Variants in ZMYND11 observed in about 807,000 individuals in gnomAD.
ZMYND11 encodes the protein zinc finger MYND-type containing 11.
A neutral mutation model predicts 84.9 loss-of-function variants in ZMYND11; 9 were observed. That is an observed-to-expected ratio of 0.11 (90% CI 0.06 to 0.18). The LOEUF (loss-of-function observed/expected upper bound fraction) is 0.18, where lower values mean the gene tolerates loss of function less well. Among genes scored for constraint, ZMYND11 ranks in the 10% least tolerant of loss-of-function variants. ZMYND11 has a pLI of 1.00. For synonymous variants in ZMYND11, 250 were observed against 244.1 expected, an observed-to-expected ratio of 1.02 and a Z score of -0.23; for missense variants, 409 against 761.0, an observed-to-expected ratio of 0.54 and a Z score of 5.44.
chr10:205,665 G>C (rs988019619), intron 2 of ZMYND11, among the ~76,000 whole-genome samples: 1 of 152,076 alleles, frequency 6.6e-6, no homozygotes. Context: ...ACTGCAGCCT[G>C]GGTGGCAGAG....
intron 1 of ZMYND11, among the ~76,000 whole-genome samples, chr10:166,339 G>T (rs1265159449): frequency 2.0e-5 from 3 of 152,076 alleles, no homozygotes; most frequent in Non-Finnish European, 4.4e-5. Context: ...TGTTTGCAAA[G>T]CTTATATCTG....
chr10:134,021 C>T (rs782358241), upstream of ZMYND11, among the ~76,000 whole-genome samples: 2 of 152,156 alleles, frequency 1.3e-5, no homozygotes, highest in Non-Finnish European at 2.9e-5. Flanking sequence ...CAAATTCCTA[C>T]AACCGTCTCT....
chr10:199,097 C>T (rs1942475666), intron 2 of ZMYND11, among the ~76,000 whole-genome samples: 1 of 152,194 alleles, frequency 6.6e-6, no homozygotes, highest in African/African-American at 2.4e-5. Context: ...CTGAGCCTCT[C>T]ACTTGCCTTT....
Position 252,224 on chromosome 10 carries a change from G to T in ZMYND11, c.1687-124G>T. On this transcript the variant is annotated intron_variant, in intron 14 of 14. Transcript: ENST00000381604. This position sits in a 1 kb window ranked among gnomAD's most constrained non-coding sequence, Gnocchi z 4.6. Reference sequence around the variant, plus strand: ...ATCTGCTGTGCATAAAACGTATTCAGATTCCACAAAAGGTTGAGCCAGAAA... The same window carrying T: ...ATCTGCTGTGCATAAAACGTATTCATATTCCACAAAAGGTTGAGCCAGAAA... 8.2e-7 allele frequency: 1 copy of T among 1,226,322 alleles called. No homozygotes were observed. The highest frequency in any genetic ancestry group is 2.0e-4 in the Middle Eastern group (1 of 5,028). 76.0% of individuals were successfully genotyped at this position (1,226,322 alleles called of 1,614,324 possible). A position where few individuals can be genotyped will look rare whatever the true frequency, so the allele number is the denominator to read the frequency against.
intron 6 of ZMYND11, among the ~76,000 whole-genome samples, chr10:238,706 A>AAGAT (rs1303035538): frequency 2.6e-5 from 4 of 152,200 alleles, no homozygotes; most frequent in Non-Finnish European, 5.9e-5. Flanking sequence ...ATTTCAATAT[A>AAGAT]AGATAAGGGT....
chr10:176,647 A>G (rs1336686726), intron 1 of ZMYND11, among the ~76,000 whole-genome samples: 2 of 152,214 alleles, frequency 1.3e-5, no homozygotes, highest in African/African-American at 4.8e-5. Context: ...ACTTTTGTAC[A>G]AAAGCAATAC....
At chr10:226,926 C>T (rs1012230773) in intron 4 of ZMYND11, among the ~76,000 whole-genome samples, 10 of 151,964 alleles carry the variant, frequency 6.6e-5, no homozygotes, top group African/African-American at 2.4e-4. Flanking sequence ...CATATTATTC[C>T]AGTATGTCTT....
At position 179,387 on chromosome 10, in the gene ZMYND11, C is replaced by A. The variant is rs996504044; in HGVS notation, c.-19-607C>A. Among the ~76,000 whole-genome samples, 26 of 152,180 alleles carry A rather than the reference C, an allele frequency of 1.7e-4. 1 individual carries two copies. The highest frequency in any genetic ancestry group is 4.6e-4 in the Admixed American group (7 of 15,278). ...CTGTTTCCTAATAGTGTAATAAATACCCCCAAAACTTACACCTAATCCAAG... is the reference window on the plus strand; with the variant it reads ...CTGTTTCCTAATAGTGTAATAAATAACCCCAAAACTTACACCTAATCCAAG... On this transcript the variant is annotated intron_variant, in intron 1 of 14. Transcript: ENST00000381604.
At chr10:168,822 G>A (rs1229561516) in intron 1 of ZMYND11, among the ~76,000 whole-genome samples, 1 of 152,130 alleles carries the variant, frequency 6.6e-6, no homozygotes, top group Non-Finnish European at 1.5e-5. Context: ...AAACCTCTGT[G>A]GGGATCAGTG....
intron 9 of ZMYND11, among the ~76,000 whole-genome samples, chr10:241,581 T>C (rs1452380514): frequency 6.6e-6 from 1 of 152,270 alleles, no homozygotes; most frequent in East Asian, 1.9e-4. Flanking sequence ...CCCAAAATAA[T>C]ACAGCTTCAA....
chr10:216,539 C>T (rs1324988146), intron 3 of ZMYND11, among the ~76,000 whole-genome samples: 1 of 152,112 alleles, frequency 6.6e-6, no homozygotes, highest in Non-Finnish European at 1.5e-5. Context: ...ACAACTTACT[C>T]TATTTACGTT....
chr10:194,669 A>C (rs1941304382), intron 2 of ZMYND11, among the ~76,000 whole-genome samples: 1 of 152,164 alleles, frequency 6.6e-6, no homozygotes, highest in East Asian at 1.9e-4. Flanking sequence ...CCCTGATACA[A>C]GCATATTTTA....
chr10:244,041 CTTTA>C (rs1489548087), intron 10 of ZMYND11, among the ~76,000 whole-genome samples: 2 of 152,024 alleles, frequency 1.3e-5, no homozygotes, highest in African/African-American at 2.4e-5. Flanking sequence ...CTCTTGAGGA[CTTTA>C]TTTTAGAAAA....
chr10:189,198 C>T (rs1217464386), intron 2 of ZMYND11, among the ~76,000 whole-genome samples: 1 of 152,208 alleles, frequency 6.6e-6, no homozygotes, highest in Non-Finnish European at 1.5e-5. Flanking sequence ...CCTGTCGCTA[C>T]AGATATACAT....
chr10:156,475 GTGT>G (rs1387472582), intron 1 of ZMYND11, among the ~76,000 whole-genome samples: 1 of 152,068 alleles, frequency 6.6e-6, no homozygotes, highest in Non-Finnish European at 1.5e-5. Context: ...CTGTATTTTG[GTGT>G]TTTATTTACA....
intron 1 of ZMYND11, among the ~76,000 whole-genome samples, chr10:144,458 G>A (rs1554754711): frequency 6.6e-6 from 1 of 151,968 alleles, no homozygotes; most frequent in African/African-American, 2.4e-5. Flanking sequence ...CTAGGCTCAA[G>A]TGTTCTGCCC....
At chr10:170,610 A>G (rs1223173737) in intron 1 of ZMYND11, among the ~76,000 whole-genome samples, 2 of 152,136 alleles carry the variant, frequency 1.3e-5, no homozygotes, top group Non-Finnish European at 2.9e-5. Context: ...GTATAATGTT[A>G]TTCGAAAGTG....
At chr10:153,510 C>G (rs567009340) in intron 1 of ZMYND11, among the ~76,000 whole-genome samples, 77 of 152,212 alleles carry the variant, frequency 5.1e-4, no homozygotes, top group African/African-American at 1.8e-3. Flanking sequence ...CGAAGAGTTT[C>G]CTTTTCTTTT....
intron 4 of ZMYND11, among the ~76,000 whole-genome samples, chr10:233,907 T>C (rs1234854949): frequency 1.3e-5 from 2 of 152,220 alleles, no homozygotes; most frequent in East Asian, 3.8e-4. Context: ...TTTGAAAATA[T>C]TTAAACACAT....
Sources: allele counts gnomAD v4.1 joint callset (sites outside exome capture counted in the v4.1 genomes callset), GRCh38; gene constraint gnomAD v4.1.1; non-coding constraint Gnocchi (gnomAD v3.1); transcripts MANE v1.5; gene names NCBI Gene and HGNC (gene_info 2026-07-23, HGNC 2026-07-21).